CSMD1: variants seen among roughly 807,000 people sequenced by gnomAD.
CSMD1 encodes CUB and sushi domain-containing protein 1.
CSMD1 carries 213 observed loss-of-function variants against 417.5 expected under a neutral mutation model. The ratio of observed to expected loss-of-function variants is 0.51; its 90% CI spans 0.46 to 0.57. CSMD1 has a LOEUF of 0.57. CSMD1 is among the 20% of genes least tolerant of loss of function. The pLI, the probability that CSMD1 is intolerant of heterozygous loss-of-function variation, is 0.00. For missense variants in CSMD1, 6,923 were observed against 4,529.7 expected, an observed-to-expected ratio of 1.53 and a Z score of -15.17; for synonymous variants, 2,862 against 1,736.8, an observed-to-expected ratio of 1.65 and a Z score of -16.11.
intron 12 of CSMD1, among the ~76,000 whole-genome samples, chr8:3,417,211 T>G (rs979618464): frequency 6.6e-6 from 1 of 152,214 alleles, no homozygotes; most frequent in Non-Finnish European, 1.5e-5. Flanking sequence ...AGATGTACTA[T>G]GATGATGTTC....
At position 3,789,874 on chromosome 8, in the gene CSMD1, G is replaced by A. The variant is rs535875957; in HGVS notation, c.819-35832C>T. Among the ~76,000 whole-genome samples, 4 of 152,024 alleles carry A rather than the reference G, an allele frequency of 2.6e-5. No individual in the cohort carries two copies. In the East Asian group the frequency reaches 5.9e-4, roughly 22 times the overall value. ...AGCCTCCCAAGTAGCTGGGACTACA[G>A]CTGCCCACCACCACGCCTGGCTAAT... On this transcript the variant is annotated intron_variant, in intron 5 of 69. Transcript: ENST00000635120.
intron 7 of CSMD1, among the ~76,000 whole-genome samples, chr8:3,696,815 T>C (rs1800579827): frequency 6.6e-6 from 1 of 152,234 alleles, no homozygotes; most frequent in Non-Finnish European, 1.5e-5. Flanking sequence ...CTCTTTATCA[T>C]TTGAATTAAA....
chr8:4,930,247 T>C (rs528454937), intron 1 of CSMD1, among the ~76,000 whole-genome samples: 91 of 152,328 alleles, frequency 6.0e-4, no homozygotes, highest in African/African-American at 2.1e-3. Context: ...TCGTGCTAAC[T>C]AATCACACAA....
chr8:3,416,632 C>T (rs141380310), intron 12 of CSMD1, among the ~76,000 whole-genome samples: 10 of 152,308 alleles, frequency 6.6e-5, no homozygotes, highest in Non-Finnish European at 5.9e-5. Context: ...CATGGAAACA[C>T]GTCCAGGGAG....
chr8:3,307,848 C>G, intron 24 of CSMD1, 27 bp from the exon 25 acceptor site: 1 of 1,603,554 alleles, frequency 6.2e-7, no homozygotes, highest in South Asian at 1.1e-5. Flanking sequence ...GAGATGGGAA[C>G]GTTCAGCTTC....
rs1337155595 is a variant in CSMD1, at chr8:3,589,737, G to C, written c.1098-3477C>G. Reference sequence around the variant, plus strand: ...ATATTGTATACTTGAAAATTGTCTGGAGAGATTTTGAAAGTTGTCACCATG... The same window carrying C: ...ATATTGTATACTTGAAAATTGTCTGCAGAGATTTTGAAAGTTGTCACCATG... On this transcript the variant is annotated intron_variant, in intron 8 of 69. Coordinates refer to ENST00000635120, the MANE Select transcript of CSMD1 (RefSeq NM_033225.6). Among the ~76,000 whole-genome samples, 5 of 152,106 alleles carry C rather than the reference G, an allele frequency of 3.3e-5. 1 individual carries two copies. The highest frequency in any genetic ancestry group is 1.3e-4 in the Admixed American group (2 of 15,264).
At chr8:3,042,145 G>C (rs934505344) in intron 50 of CSMD1, among the ~76,000 whole-genome samples, 2 of 152,144 alleles carry the variant, frequency 1.3e-5, no homozygotes, top group African/African-American at 4.8e-5. Flanking sequence ...TTCTCCAGGG[G>C]TCTCTCATGC....
At chr8:3,769,712 A>G (rs1371831237) in intron 5 of CSMD1, among the ~76,000 whole-genome samples, 1 of 152,150 alleles carries the variant, frequency 6.6e-6, no homozygotes, top group Non-Finnish European at 1.5e-5. Flanking sequence ...TATTCCATTG[A>G]GTGAACATAC....
intron 1 of CSMD1, chr8:4,787,713 C>G (rs1797480494): frequency 3.1e-6 from 5 of 1,589,838 alleles, no homozygotes; most frequent in Non-Finnish European, 4.3e-6. Context: ...AGGATGCTGC[C>G]AATAATGACC....
At chr8:3,877,376 C>T (rs7008893) in intron 5 of CSMD1, among the ~76,000 whole-genome samples, 7,504 of 152,248 alleles carry the variant, frequency 0.049, 251 homozygotes, top group African/African-American at 0.091. Flanking sequence ...ACCTGCCAGA[C>T]ATGGCTGCAG....
At chr8:3,265,641 C>G (rs957973581) in intron 26 of CSMD1, among the ~76,000 whole-genome samples, 1 of 152,110 alleles carries the variant, frequency 6.6e-6, no homozygotes, top group African/African-American at 2.4e-5. Flanking sequence ...GTGGAGAAGC[C>G]CAGTGCTGGC....
intron 1 of CSMD1, among the ~76,000 whole-genome samples, chr8:4,961,197 T>C (rs1253257672): frequency 6.6e-6 from 1 of 152,202 alleles, no homozygotes; most frequent in Non-Finnish European, 1.5e-5. Context: ...TTAGAATGCA[T>C]AGTATTCTGT....
Position 4,296,695 on chromosome 8 carries a change from G to GA in CSMD1, c.415+123257_415+123258insT, listed in dbSNP as rs1563408533. 1.4e-3 allele frequency among the ~76,000 whole-genome samples: 106 copies of GA among 76,140 alleles called. 1 individual carries two copies. The highest frequency in any genetic ancestry group is 4.6e-3 in the African/African-American group (97 of 21,038). 50.0% of individuals were successfully genotyped at this position (76,140 alleles called of 152,430 possible). A position where few individuals can be genotyped will look rare whatever the true frequency, so the allele number is the denominator to read the frequency against. Reference sequence around the variant, plus strand: ...GGGTCCCTGAAAACACGAAAATAAGGGTTTTTTTTTTTTTTTTTTTCTCCA... The same window carrying GA: ...GGGTCCCTGAAAACACGAAAATAAGGAGTTTTTTTTTTTTTTTTTTTCTCCA... On this transcript the variant is annotated intron_variant, in intron 3 of 69. Coordinates refer to ENST00000635120, the MANE Select transcript of CSMD1 (RefSeq NM_033225.6).
At chr8:3,980,443 C>G (rs1192836000) in intron 5 of CSMD1, among the ~76,000 whole-genome samples, 1 of 152,188 alleles carries the variant, frequency 6.6e-6, no homozygotes, top group Non-Finnish European at 1.5e-5. Context: ...ATCTTCACAT[C>G]TTACACGTTT....
intron 3 of CSMD1, among the ~76,000 whole-genome samples, chr8:4,323,316 G>C (rs943223575): frequency 6.6e-6 from 1 of 152,098 alleles, no homozygotes; most frequent in African/African-American, 2.4e-5. Flanking sequence ...ACTCTATATA[G>C]TACTTCAACC....
chr8:3,903,839 T>C (rs1191028533), intron 5 of CSMD1, among the ~76,000 whole-genome samples: 1 of 152,184 alleles, frequency 6.6e-6, no homozygotes, highest in Non-Finnish European at 1.5e-5. Context: ...GAGGTCTCTT[T>C]AGTGGTCTTG....
At chr8:3,625,061 A>T (rs1796429381) in intron 7 of CSMD1, among the ~76,000 whole-genome samples, 1 of 139,786 alleles carries the variant, frequency 7.2e-6, no homozygotes, top group African/African-American at 2.5e-5. Context: ...ACATTTCTAC[A>T]TGCATAACAG....
intron 1 of CSMD1, among the ~76,000 whole-genome samples, chr8:4,756,601 A>G (rs908488868): frequency 2.0e-5 from 3 of 152,232 alleles, no homozygotes; most frequent in Admixed American, 6.5e-5. Flanking sequence ...TTGCAGATGT[A>G]TCTTCACTTT....
rs191620639 is a variant in CSMD1 at position 3,529,546 on chromosome 8, C to T, written c.1345-35820G>A. Among the ~76,000 whole-genome samples, 7 of 152,242 alleles carry T rather than the reference C, an allele frequency of 4.6e-5. No individual in the cohort carries two copies. The East Asian group carries it at 9.7e-4, about 21-fold the overall frequency. On this transcript the variant is annotated intron_variant, in intron 10 of 69. Transcript: ENST00000635120. ...ATTTTAATGCCAGATTATTTAACTA[C>T]CTTTTCCAAGACCACACAATGGAAG...
Sources: allele counts gnomAD v4.1 joint callset (sites outside exome capture counted in the v4.1 genomes callset), GRCh38; gene constraint gnomAD v4.1.1; transcripts MANE v1.5; gene names NCBI Gene and HGNC (gene_info 2026-07-23, HGNC 2026-07-21).